EXOC4: variants seen among roughly 807,000 people sequenced by gnomAD.
The protein encoded by EXOC4 is SEC8-like 1.
EXOC4 carries 71 observed loss-of-function variants against 107.2 expected under a neutral mutation model. The ratio of observed to expected loss-of-function variants is 0.66; its 90% CI spans 0.55 to 0.81. The LOEUF (loss-of-function observed/expected upper bound fraction) is 0.81, where lower values mean the gene tolerates loss of function less well. Among genes scored for constraint, EXOC4 ranks in the 30% least tolerant of loss-of-function variants. The probability of loss-of-function intolerance (pLI) is 0.00; values close to 1 mark genes in which losing one functional copy is unlikely to be tolerated. For missense variants in EXOC4, 1,108 were observed against 1,189.6 expected, an observed-to-expected ratio of 0.93 and a Z score of 1.01; for synonymous variants, 456 against 441.2, an observed-to-expected ratio of 1.03 and a Z score of -0.42.
chr7:133,285,344 T>G (rs1243690586), intron 2 of EXOC4, among the ~76,000 whole-genome samples: 1 of 152,232 alleles, frequency 6.6e-6, no homozygotes, highest in Non-Finnish European at 1.5e-5. Flanking sequence ...TGGAACACAT[T>G]CTTCAGTAGT....
intron 10 of EXOC4, among the ~76,000 whole-genome samples, chr7:133,795,827 A>G (rs977105534): frequency 1.4e-4 from 22 of 152,224 alleles, no homozygotes; most frequent in Non-Finnish European, 2.8e-4. Context: ...ATTTGGGGGT[A>G]TTAATTTCAC....
In EXOC4 at chr7:133,375,416, C is replaced by T. The variant is rs2150690511; in HGVS notation, c.1182+414C>T. On this transcript the variant is annotated intron_variant, in intron 7 of 17. Transcript: ENST00000253861. ...GCTTGAACTCGGGAGGCAGAGTTTG[C>T]AGTGAGCCATTGTACCACTGCACTC... is the stretch of plus-strand genomic sequence containing the variant. Among the ~76,000 whole-genome samples, 2 of 152,142 alleles carry T rather than the reference C, an allele frequency of 1.3e-5. 1 individual carries two copies. Among genetic ancestry groups the T allele is most frequent in the South Asian group, 4.1e-4 (2 of 4,820 alleles).
intron 4 of EXOC4, among the ~76,000 whole-genome samples, chr7:133,309,167 G>C (rs1437968259): frequency 2.0e-5 from 3 of 152,100 alleles, no homozygotes; most frequent in African/African-American, 7.2e-5. Context: ...TTCTAGCCCT[G>C]GGTGGGGTGC....
the EXOC4 span, among the ~76,000 whole-genome samples, chr7:134,073,450 C>T: frequency 6.6e-6 from 1 of 151,782 alleles, no homozygotes; most frequent in African/African-American, 2.4e-5. Flanking sequence ...GAGGGTTTTG[C>T]ATCTCGTTGC....
chr7:133,475,631 T>C (rs751138430), intron 8 of EXOC4, among the ~76,000 whole-genome samples, 158 bp downstream of exon 8: 88 of 152,346 alleles, frequency 5.8e-4, no homozygotes, highest in Admixed American at 1.4e-3. Context: ...TTTTGTTTTC[T>C]GTCAGGTGAA....
At chr7:133,946,324 G>A (rs987640741) in intron 14 of EXOC4, among the ~76,000 whole-genome samples, 1 of 152,088 alleles carries the variant, frequency 6.6e-6, no homozygotes, top group African/African-American at 2.4e-5. Flanking sequence ...TTTACCATTG[G>A]TATTGTATTT....
chr7:133,943,464 T>C (rs1800478783), intron 14 of EXOC4, among the ~76,000 whole-genome samples: 1 of 152,194 alleles, frequency 6.6e-6, no homozygotes, highest in South Asian at 2.1e-4. Context: ...AGAAAACCTC[T>C]AAAATCTTTA....
At chr7:133,752,343 G>T (rs1795812207) in intron 10 of EXOC4, among the ~76,000 whole-genome samples, 1 of 152,142 alleles carries the variant, frequency 6.6e-6, no homozygotes, top group Non-Finnish European at 1.5e-5. Flanking sequence ...TAAGTTTTTG[G>T]ACTTGCAACT....
At chr7:133,782,234 A>G (rs533009825) in intron 10 of EXOC4, among the ~76,000 whole-genome samples, 1 of 152,344 alleles carries the variant, frequency 6.6e-6, no homozygotes, top group Admixed American at 6.5e-5. Flanking sequence ...ATCCATATCC[A>G]TAGGTTTACT....
intron 12 of EXOC4, among the ~76,000 whole-genome samples, chr7:133,896,844 T>TTTTTTTTTTTTTTTGTG (rs1198817578): frequency 1.1e-5 from 1 of 87,812 alleles, no homozygotes; most frequent in African/African-American, 1.2e-4. Context: ...TTTGTATTTT[T>TTTTTTTTTTTTTTTGTG]AGTAGAGATG....
At chr7:133,897,311 A>G (rs1329351626) in intron 12 of EXOC4, among the ~76,000 whole-genome samples, 1 of 152,132 alleles carries the variant, frequency 6.6e-6, no homozygotes, top group African/African-American at 2.4e-5. Context: ...ATGTTCAATA[A>G]TTATTTATCA....
chr7:133,561,822 T>C (rs1030325835), intron 9 of EXOC4, among the ~76,000 whole-genome samples: 1 of 152,226 alleles, frequency 6.6e-6, no homozygotes, highest in African/African-American at 2.4e-5. Flanking sequence ...TGCCCCAAGA[T>C]GGAATGGTGT....
chr7:134,011,686 C>T (rs1794767484), intron 17 of EXOC4, among the ~76,000 whole-genome samples: 1 of 151,678 alleles, frequency 6.6e-6, no homozygotes, highest in Non-Finnish European at 1.5e-5. Context: ...CTCTGTAGGT[C>T]CTGGCCTCAT....
At chr7:133,581,068 G>C (rs1296716818) in intron 9 of EXOC4, among the ~76,000 whole-genome samples, 6 of 152,164 alleles carry the variant, frequency 3.9e-5, no homozygotes, top group Non-Finnish European at 8.8e-5. Flanking sequence ...TATTGCTTTA[G>C]GGTACACACT....
chr7:133,610,178 C>G (rs1464825115), intron 9 of EXOC4, among the ~76,000 whole-genome samples: 1 of 152,210 alleles, frequency 6.6e-6, no homozygotes, highest in Non-Finnish European at 1.5e-5. Context: ...TTGACACCTG[C>G]TGCAGAAGCC....
chr7:133,541,225 G>C (rs1800373208), intron 9 of EXOC4, among the ~76,000 whole-genome samples: 1 of 152,246 alleles, frequency 6.6e-6, no homozygotes, highest in East Asian at 1.9e-4. Flanking sequence ...GTATCAGCTA[G>C]AAGTATAGTT....
intron 3 of EXOC4, among the ~76,000 whole-genome samples, chr7:133,304,410 G>A (rs1712329720): frequency 6.6e-6 from 1 of 152,242 alleles, no homozygotes. Flanking sequence ...TTGCAAGTCA[G>A]CGTGAAAATG....
At chr7:133,921,671 G>A (rs893262514) in intron 13 of EXOC4, among the ~76,000 whole-genome samples, 22 of 152,100 alleles carry the variant, frequency 1.4e-4, no homozygotes, top group African/African-American at 4.6e-4. Flanking sequence ...AATTTATGGT[G>A]TGTATCCTGC....
chr7:133,695,292 A>G, intron 10 of EXOC4, among the ~76,000 whole-genome samples: 1 of 152,074 alleles, frequency 6.6e-6, no homozygotes, highest in South Asian at 2.1e-4. Flanking sequence ...GTTGTTGCAA[A>G]TGACAGCTTC....
Sources: gnomAD v4.1 joint callset for allele counts (sites outside exome capture counted in the v4.1 genomes callset) on GRCh38, gnomAD v4.1.1 for gene constraint, MANE v1.5 for transcripts, NCBI Gene and HGNC (gene_info 2026-07-23, HGNC 2026-07-21) for gene names.